The following ELAPOR1 variants were observed in gnomAD, a reference collection of about 807,000 sequenced individuals.
ELAPOR1 encodes the protein endosome-lysosome associated apoptosis and autophagy regulator 1.
In ELAPOR1, 77 loss-of-function variants were observed where a neutral mutation model predicts 119.7. The ratio of observed to expected loss-of-function variants is 0.64; its 90% CI spans 0.54 to 0.78. ELAPOR1 has a LOEUF of 0.78. ELAPOR1 is among the 30% of genes least tolerant of loss of function. The pLI, the probability that ELAPOR1 is intolerant of heterozygous loss-of-function variation, is 0.00. For missense variants in ELAPOR1, 1,115 were observed against 1,270.4 expected (o/e 0.88, Z 1.86); for synonymous variants, 481 against 487.2 (o/e 0.99, Z 0.17).
Position 109,173,765 on chromosome 1 carries a change from CTT to C in ELAPOR1, c.882_883del (p.Cys295ProfsTer8). The C allele has an allele frequency of 6.2e-7, 1 of 1,614,178 alleles. No homozygotes were observed. The highest frequency in any genetic ancestry group is 1.1e-5 in the South Asian group (1 of 91,084). ...ADKQGSSFCK[L>X]CPANSYSNKG... Reference sequence around the variant, plus strand: ...CAAGCAGGGCTCCTCTTTCTGCAAACTTTGCCCAGCCAACTCTTATTCAAATA... The same window carrying C: ...CAAGCAGGGCTCCTCTTTCTGCAAACTGCCCAGCCAACTCTTATTCAAATA... On this transcript the variant is annotated frameshift_variant, in exon 7 of 22. Coordinates refer to ENST00000369939, the MANE Select transcript of ELAPOR1 (RefSeq NM_020775.5). LOFTEE classifies it high-confidence loss of function.
intron 18 of ELAPOR1, among the ~76,000 whole-genome samples, chr1:109,199,297 G>A (rs2101139395): frequency 6.6e-6 from 1 of 152,328 alleles, no homozygotes; most frequent in Non-Finnish European, 1.5e-5. Flanking sequence ...AGCGTCTTGA[G>A]GAAGACGTTT....
chr1:109,145,731 T>C (rs1041830411), intron 1 of ELAPOR1, among the ~76,000 whole-genome samples: 1 of 152,046 alleles, frequency 6.6e-6, no homozygotes, highest in Admixed American at 6.6e-5. Flanking sequence ...GACTAGATAA[T>C]GAAGTGGATG....
intron 1 of ELAPOR1, among the ~76,000 whole-genome samples, chr1:109,128,894 C>T (rs146632984): frequency 0.02 from 3,100 of 152,240 alleles, 98 homozygotes; most frequent in African/African-American, 0.07. Flanking sequence ...CATAGAGTGC[C>T]ATTTCCCAGC....
intron 8 of ELAPOR1, among the ~76,000 whole-genome samples, chr1:109,186,242 G>A (rs773191290): frequency 2.6e-5 from 4 of 152,072 alleles, no homozygotes; most frequent in Admixed American, 6.5e-5. Flanking sequence ...GAGAGGAGGC[G>A]GCAGCTGGGC....
intron 1 of ELAPOR1, among the ~76,000 whole-genome samples, chr1:109,120,623 C>G (rs900911053): frequency 2.0e-5 from 3 of 151,928 alleles, no homozygotes; most frequent in Non-Finnish European, 4.4e-5. Context: ...TTATAGCAGA[C>G]CAAACAGACT....
chr1:109,184,201 G>A lies in ELAPOR1; in HGVS notation c.953-844G>A, dbSNP rs368762148. Among the ~76,000 whole-genome samples the A allele has an allele frequency of 7.2e-5, 11 of 152,066 alleles. No homozygotes were observed. The East Asian group carries it at 1.2e-3, about 16-fold the overall frequency. ...AGCCTGACCAACATGGAGAAACTCC[G>A]TCTCTACTAAAAATACAAAATTAGC... On this transcript the variant is annotated intron_variant, in intron 7 of 21. Transcript: ENST00000369939.
At chr1:109,126,805 C>G (rs1372021108) in intron 1 of ELAPOR1, among the ~76,000 whole-genome samples, 1 of 152,146 alleles carries the variant, frequency 6.6e-6, no homozygotes, top group African/African-American at 2.4e-5. Context: ...CATTAGCCCT[C>G]TCCATCTGTG....
chr1:109,153,571 C>A (rs947306456), intron 1 of ELAPOR1, among the ~76,000 whole-genome samples: 9 of 152,170 alleles, frequency 5.9e-5, no homozygotes, highest in Admixed American at 1.3e-4. Flanking sequence ...AGAAATACAG[C>A]AAAATGTTAA....
chr1:109,173,618 C>G, intron 6 of ELAPOR1, 39 bp downstream of exon 6: 1 of 1,613,150 alleles, frequency 6.2e-7, no homozygotes, highest in Non-Finnish European at 8.5e-7. Flanking sequence ...GGGCTGTTGA[C>G]TTTGCAGTCT....
intron 7 of ELAPOR1, among the ~76,000 whole-genome samples, chr1:109,178,159 G>A (rs1291916198): frequency 6.6e-6 from 1 of 151,900 alleles, no homozygotes; most frequent in African/African-American, 2.4e-5. Context: ...ACAGGTGCCT[G>A]CCACTATGCT....
chr1:109,183,434 A>T (rs1652841448), intron 7 of ELAPOR1, among the ~76,000 whole-genome samples: 1 of 152,204 alleles, frequency 6.6e-6, no homozygotes, highest in South Asian at 2.1e-4. Context: ...AATTCATAGA[A>T]GTAGTTCTCA....
intron 1 of ELAPOR1, among the ~76,000 whole-genome samples, chr1:109,130,151 A>C (rs564348906): frequency 6.6e-6 from 1 of 152,160 alleles, no homozygotes; most frequent in Non-Finnish European, 1.5e-5. Flanking sequence ...ATCCTAATCC[A>C]TTAGGACTTC....
At chr1:109,175,900 A>G (rs1570688109) in intron 7 of ELAPOR1, among the ~76,000 whole-genome samples, 1 of 151,802 alleles carries the variant, frequency 6.6e-6, no homozygotes, top group South Asian at 2.1e-4. Flanking sequence ...GTATAAATTT[A>G]TACATTTTAA....
In ELAPOR1 at chr1:109,192,761, G is replaced by T. The variant is rs751518354; in HGVS notation, c.1834G>T (p.Asp612Tyr). The T allele has an allele frequency of 1.3e-5, 21 of 1,613,880 alleles. No individual in the cohort carries two copies. Among genetic ancestry groups the T allele is most frequent in the Non-Finnish European group, 1.8e-5 (21 of 1,179,992 alleles). The change falls in exon 14 of 22, where the codon GAC (aspartate) becomes TAC (tyrosine). Residue 612 changes from aspartate to tyrosine, a missense_variant. Coordinates refer to ENST00000369939, the MANE Select transcript of ELAPOR1 (RefSeq NM_020775.5). ...CTSCPAGYYI[D>Y]RDSGTCHSCP... ...CTCTTGTCCTGCTGGTTACTATATT[G>T]ACCGAGATTCAGGAACCTGCCACTC... is the stretch of plus-strand genomic sequence containing the variant.
intron 3 of ELAPOR1, among the ~76,000 whole-genome samples, chr1:109,168,217 A>T (rs1428382159): frequency 6.6e-6 from 1 of 152,140 alleles, no homozygotes; most frequent in African/African-American, 2.4e-5. Context: ...TTCCTCAAAG[A>T]AACCATCCCC....
chr1:109,133,592 A>G (rs1254689670), intron 1 of ELAPOR1, among the ~76,000 whole-genome samples: 1 of 152,228 alleles, frequency 6.6e-6, no homozygotes, highest in Non-Finnish European at 1.5e-5. Flanking sequence ...CGAGATTATT[A>G]TGGGATCAAT....
At chr1:109,158,099 G>T (rs1302093604) in intron 1 of ELAPOR1, among the ~76,000 whole-genome samples, 1 of 152,076 alleles carries the variant, frequency 6.6e-6, no homozygotes, top group Non-Finnish European at 1.5e-5. Context: ...TGATGGCCAG[G>T]CTGGTCTCAA....
chr1:109,190,293 CAG>C (rs1490985178), intron 11 of ELAPOR1, among the ~76,000 whole-genome samples: 2 of 152,224 alleles, frequency 1.3e-5, no homozygotes, highest in Non-Finnish European at 1.5e-5. Context: ...TCCATAAAAA[CAG>C]TGTGTGATTT....
chr1:109,139,675 A>G (rs1480745062), intron 1 of ELAPOR1, among the ~76,000 whole-genome samples: 1 of 152,264 alleles, frequency 6.6e-6, no homozygotes, highest in African/African-American at 2.4e-5. Flanking sequence ...GGAGCATTCA[A>G]TAAATCACTT....
Sources: allele counts gnomAD v4.1 joint callset (sites outside exome capture counted in the v4.1 genomes callset), GRCh38; gene constraint gnomAD v4.1.1; transcripts MANE v1.5; gene names NCBI Gene and HGNC (gene_info 2026-07-23, HGNC 2026-07-21).